Variants in PSMD13 observed in about 807,000 individuals in gnomAD.
PSMD13 encodes 26S proteasome non-ATPase regulatory subunit 13.
A neutral mutation model predicts 57.4 loss-of-function variants in PSMD13; 8 were observed. That is an observed-to-expected ratio of 0.14 (90% CI 0.08 to 0.25). PSMD13 has a LOEUF of 0.25. Among genes scored for constraint, PSMD13 ranks in the 10% least tolerant of loss-of-function variants. The pLI, the probability that PSMD13 is intolerant of heterozygous loss-of-function variation, is 1.00. For missense variants in PSMD13, 400 were observed against 461.5 expected (o/e 0.87, Z 1.22); for synonymous variants, 193 against 168.2 (o/e 1.15, Z -1.14).
rs758762295 is a variant in PSMD13, at chr11:237,059, G to T, written c.10G>T (p.Val4Leu). 3 of 1,613,608 alleles carry T rather than the reference G, an allele frequency of 1.9e-6. No individual in the cohort carries two copies. Among genetic ancestry groups the T allele is most frequent in the Non-Finnish European group, 2.5e-6 (3 of 1,179,696 alleles). The change falls in exon 1 of 13, where the codon GTA becomes TTA. Residue 4 changes from valine (V) to leucine (L), a missense_variant. Transcript: ENST00000532097. MKD[V>L]PGFLQQSQNS... ...GGGTCTTCCTGCTGTCATGAAGGAC[G>T]TACCGGGCTTCCTACAGCAGAGCCA... is the stretch of plus-strand genomic sequence containing the variant.
At chr11:243,443 G>C (rs1859560067) in intron 2 of PSMD13, 1 of 293,350 alleles carries the variant, frequency 3.4e-6, no homozygotes, top group Admixed American at 4.3e-5. Flanking sequence ...CTTCCACAAT[G>C]GTCTTATTAT....
In PSMD13 at chr11:239,712, C is replaced by T. The variant is rs375120769; in HGVS notation, c.174+636C>T. On this transcript the variant is annotated intron_variant, in intron 2 of 12. Transcript: ENST00000532097. The stretch of plus-strand genomic sequence containing the variant: ...ATTTTTTCAGCAGTAGACAAATACG[C>T]ACCTTCTTTCCCAGCCTTCCCCAGA... Among the ~76,000 whole-genome samples the T allele has an allele frequency of 3.0e-4, 46 of 152,212 alleles. No individual in the cohort carries two copies. In the East Asian group the frequency reaches 5.4e-3, roughly 18 times the overall value.
Position 251,807 on chromosome 11 carries a change from C to G in PSMD13, c.919-13C>G, listed in dbSNP as rs1237185632. ...GGCTATCTTGTCTTACACACGCCTC[C>G]CTCTCTGCACAGGTGGAGCTTCTGG... is the stretch of plus-strand genomic sequence containing the variant. On this transcript the variant is annotated splice_polypyrimidine_tract_variant and intron_variant, in intron 11 of 12. Transcript: ENST00000532097. The surrounding 1 kb of genome is among the most constrained non-coding windows in gnomAD (Gnocchi z 4.6). The G allele has an allele frequency of 1.2e-6, 2 of 1,612,078 alleles. No individual in the cohort carries two copies. The highest frequency in any genetic ancestry group is 2.7e-5 in the African/African-American group (2 of 74,864).
chr11:240,744 A>G (rs1429369284), intron 2 of PSMD13, among the ~76,000 whole-genome samples: 1 of 152,242 alleles, frequency 6.6e-6, no homozygotes, highest in Non-Finnish European at 1.5e-5. Flanking sequence ...TTAGATTAAT[A>G]CATGTCAGGA....
chr11:242,831 TG>T (rs1359948470), intron 2 of PSMD13, among the ~76,000 whole-genome samples: 1 of 152,110 alleles, frequency 6.6e-6, no homozygotes, highest in East Asian at 1.9e-4. Context: ...GTTTCACTCT[TG>T]TTGCCTAGGC....
chr11:244,285 G>A, intron 4 of PSMD13, 69 bp downstream of exon 4: 1 of 1,588,516 alleles, frequency 6.3e-7, no homozygotes, highest in Non-Finnish European at 8.5e-7. Context: ...TAAGTTAACT[G>A]AACTTTTGTG....
chr11:248,893 G>C (rs748619688), intron 8 of PSMD13, 38 bp downstream of exon 8: 8 of 1,614,014 alleles, frequency 5.0e-6, no homozygotes, highest in Non-Finnish European at 6.8e-6. Flanking sequence ...TAACGAGAGA[G>C]ACTAAAGTGT....
rs1859781744 is a variant in PSMD13, at chr11:252,397, A to G, written c.1036-108A>G. The G allele has an allele frequency of 1.0e-5, 10 of 990,694 alleles. No individual in the cohort carries two copies. The highest frequency in any genetic ancestry group is 1.6e-5 in the Non-Finnish European group (10 of 626,270). The allele number at this position is 990,694 out of a possible 1,614,324, so 61.4% of individuals were successfully genotyped here. A position where few individuals can be genotyped will look rare whatever the true frequency, so the allele number is the denominator to read the frequency against. ...AGGTCCTTTTTACTAGAGCTGCCCT[A>G]GAGAGTTAGCTGGAGATGTAGAGTC... is the stretch of plus-strand genomic sequence containing the variant. On this transcript the variant is annotated intron_variant, in intron 12 of 12. Coordinates refer to ENST00000532097, the MANE Select transcript of PSMD13 (RefSeq NM_002817.4). The surrounding 1 kb of genome is among the most constrained non-coding windows in gnomAD (Gnocchi z 4.1).
At chr11:250,070 C>T (rs1859740807) in intron 9 of PSMD13, among the ~76,000 whole-genome samples, 1 of 152,118 alleles carries the variant, frequency 6.6e-6, no homozygotes, top group South Asian at 2.1e-4. Flanking sequence ...ATGTTGGCAG[C>T]ATCTATTCAG....
At chr11:249,812 A>C (rs1264208023) in intron 9 of PSMD13, among the ~76,000 whole-genome samples, 4 of 152,162 alleles carry the variant, frequency 2.6e-5, no homozygotes, top group African/African-American at 7.2e-5. Context: ...TAACTGTGGT[A>C]GGAATTATGG....
At position 252,637 on chromosome 11, in the gene PSMD13, C is replaced by T. The variant is rs1419819068; in HGVS notation, c.*37C>T. On this transcript the variant is annotated 3_prime_UTR_variant, in exon 13 of 13. Coordinates refer to ENST00000532097, the MANE Select transcript of PSMD13 (RefSeq NM_002817.4). This position sits in a 1 kb window ranked among gnomAD's most constrained non-coding sequence, Gnocchi z 4.1. Reference sequence around the variant, plus strand: ...TCCCCGTCGTGTCTCCTTTGACTCACCTGAGAGAGGCGTTTGCAGCCAATG... The same window carrying T: ...TCCCCGTCGTGTCTCCTTTGACTCATCTGAGAGAGGCGTTTGCAGCCAATG... The T allele has an allele frequency of 5.6e-6, 9 of 1,594,018 alleles. No individual in the cohort carries two copies. The highest frequency in any genetic ancestry group is 7.7e-6 in the Non-Finnish European group (9 of 1,162,544).
At chr11:248,704 A>G (rs2133991099) in intron 7 of PSMD13, 72 bp from the exon 8 acceptor site, 3 of 1,420,240 alleles carry the variant, frequency 2.1e-6, no homozygotes, top group East Asian at 4.6e-5. Context: ...TTTTTGTTAT[A>G]TGAGATTTTT....
intron 2 of PSMD13, among the ~76,000 whole-genome samples, chr11:241,402 G>T (rs1859511530): frequency 2.6e-5 from 4 of 152,350 alleles, no homozygotes; most frequent in Middle Eastern, 3.4e-3. Flanking sequence ...GCCTCCCAAA[G>T]TGCTACATAA....
At position 251,774 on chromosome 11, in the gene PSMD13, G is replaced by T. The variant is rs538921481; in HGVS notation, c.919-46G>T. 3 of 1,581,944 alleles carry T rather than the reference G, an allele frequency of 1.9e-6. No homozygotes were observed. Among genetic ancestry groups the T allele is most frequent in the South Asian group, 2.2e-5 (2 of 89,906 alleles). On this transcript the variant is annotated intron_variant, in intron 11 of 12. Transcript: ENST00000532097. This position sits in a 1 kb window ranked among gnomAD's most constrained non-coding sequence, Gnocchi z 4.6. The stretch of plus-strand genomic sequence containing the variant: ...TCACAAGCCATCTGGGTCCATGGGG[G>T]TGTGTCAGGCTATCTTGTCTTACAC...
intron 1 of PSMD13, among the ~76,000 whole-genome samples, chr11:238,126 A>G (rs555079209): frequency 6.6e-6 from 1 of 152,356 alleles, no homozygotes; most frequent in South Asian, 2.1e-4. Context: ...GCGCTATGTC[A>G]CTGTCCCTGA....
In PSMD13 at chr11:251,712, G is replaced by A; in HGVS notation, c.918+86G>A. On this transcript the variant is annotated intron_variant, in intron 11 of 12. Coordinates refer to ENST00000532097, the MANE Select transcript of PSMD13 (RefSeq NM_002817.4). This position sits in a 1 kb window ranked among gnomAD's most constrained non-coding sequence, Gnocchi z 4.6. ...TCTTGTGTGAGCGCTGTGCTCCCTAGACAGTAAAAAATGACGGGAGGAGCG... is the reference window on the plus strand; with the variant it reads ...TCTTGTGTGAGCGCTGTGCTCCCTAAACAGTAAAAAATGACGGGAGGAGCG... The A allele has an allele frequency of 3.3e-6, 5 of 1,537,228 alleles. 1 individual carries two copies. In the South Asian group the frequency reaches 4.5e-5, roughly 14 times the overall value.
At chr11:243,944 C>T (rs1859576505) in intron 2 of PSMD13, 97 bp from the exon 3 acceptor site, 1 of 1,262,868 alleles carries the variant, frequency 7.9e-7, no homozygotes, top group Non-Finnish European at 1.1e-6. Context: ...AACTTGATAG[C>T]ATTGATGCAG....
At position 252,033 on chromosome 11, in the gene PSMD13, C is replaced by A; in HGVS notation, c.1035+97C>A. On this transcript the variant is annotated intron_variant, in intron 12 of 12. Coordinates refer to ENST00000532097, the MANE Select transcript of PSMD13 (RefSeq NM_002817.4). This position sits in a 1 kb window ranked among gnomAD's most constrained non-coding sequence, Gnocchi z 4.1. ...TTTGGATGGAAGCCATTTGGGAAGA[C>A]AGCATTATTAGACAAGAGGTTTTGG... The A allele has an allele frequency of 1.7e-6, 2 of 1,146,466 alleles. No individual in the cohort carries two copies. The highest frequency in any genetic ancestry group is 2.5e-6 in the Non-Finnish European group (2 of 787,188). 71.0% of individuals were successfully genotyped at this position (1,146,466 alleles called of 1,614,324 possible).
chr11:247,546 G>A, intron 7 of PSMD13, 98 bp downstream of exon 7: 5 of 1,386,450 alleles, frequency 3.6e-6, no homozygotes, highest in Non-Finnish European at 4.9e-6. Flanking sequence ...AATTACTAAG[G>A]TGGGGCTGGG....
Sources: allele counts gnomAD v4.1 joint callset (sites outside exome capture counted in the v4.1 genomes callset), GRCh38; gene constraint gnomAD v4.1.1; non-coding constraint Gnocchi (gnomAD v3.1); transcripts MANE v1.5; gene names NCBI Gene and HGNC (gene_info 2026-07-23, HGNC 2026-07-21).